The following MYOM1 variants were observed in gnomAD, a reference collection of about 807,000 sequenced individuals.
MYOM1 encodes myomesin 1.
MYOM1 carries 164 observed loss-of-function variants against 205.3 expected under a neutral mutation model. The observed-to-expected ratio is 0.80, with a 90% CI of 0.70 to 0.91. The LOEUF (loss-of-function observed/expected upper bound fraction) is 0.91. MYOM1 is among the 40% of genes least tolerant of loss of function. The pLI is 0.00. For synonymous variants in MYOM1, 772 were observed against 789.4 expected (o/e 0.98, Z 0.37); for missense variants, 2,011 against 2,127.3 (o/e 0.95, Z 1.08).
At chr18:3,240,134 T>C in the MYOM1 span, among the ~76,000 whole-genome samples, 1 of 152,212 alleles carries the variant, frequency 6.6e-6, no homozygotes, top group South Asian at 2.1e-4. Flanking sequence ...TGTCATAAGA[T>C]TAATTTAGTA....
rs1036962692 is a variant in MYOM1 at position 3,080,863 on chromosome 18, G to A, written c.4485-1521C>T. Among the ~76,000 whole-genome samples the A allele has an allele frequency of 3.3e-5, 5 of 152,264 alleles. No individual in the cohort carries two copies. The South Asian group carries it at 8.3e-4, about 25-fold the overall frequency. ...AGAGAGTTAAACAGGGCCGGGCGTG[G>A]TGGCTCACGCCTGTAATCCCAGTAC... On this transcript the variant is annotated intron_variant, in intron 33 of 37. Coordinates refer to ENST00000356443, the MANE Select transcript of MYOM1 (RefSeq NM_003803.4).
At chr18:3,211,937 C>T (rs1004933437) in intron 2 of MYOM1, among the ~76,000 whole-genome samples, 18 of 152,154 alleles carry the variant, frequency 1.2e-4, no homozygotes, top group Non-Finnish European at 2.9e-5. Flanking sequence ...TAATCAACAA[C>T]ACTGTTCACA....
At chr18:3,149,737 A>G (rs2080190134) in intron 12 of MYOM1, among the ~76,000 whole-genome samples, 2 of 152,204 alleles carry the variant, frequency 1.3e-5, no homozygotes, top group Admixed American at 1.3e-4. Flanking sequence ...AGGAAAATGA[A>G]TGATACGGGT....
chr18:3,137,135 A>G (rs2079980952), intron 14 of MYOM1, among the ~76,000 whole-genome samples: 1 of 151,926 alleles, frequency 6.6e-6, no homozygotes, highest in African/African-American at 2.4e-5. Flanking sequence ...TATTTTTAGT[A>G]GAGGGGGGTT....
the MYOM1 span, among the ~76,000 whole-genome samples, chr18:3,231,534 C>CTTTTT: frequency 5.8e-5 from 7 of 120,198 alleles, no homozygotes; most frequent in South Asian, 2.7e-4. Flanking sequence ...AATATGCATC[C>CTTTTT]TTTTTTTTTT....
At position 3,209,407 on chromosome 18, in the gene MYOM1, G is replaced by C. The variant is rs2081165073; in HGVS notation, c.290+5527C>G. On this transcript the variant is annotated intron_variant, in intron 2 of 37. Coordinates refer to ENST00000356443, the MANE Select transcript of MYOM1 (RefSeq NM_003803.4). The surrounding 1 kb of genome is among the most constrained non-coding windows in gnomAD (Gnocchi z 4.0). ...CTACAGCACTAGCCTCCTAACAAGG[G>C]AACTTGCTTCTGCAACAGTCACAGT... 6.6e-6 allele frequency among the ~76,000 whole-genome samples: 1 copy of C among 152,194 alleles called. No homozygotes were observed. Among genetic ancestry groups the C allele is most frequent in the East Asian group, 1.9e-4 (1 of 5,202 alleles).
intron 5 of MYOM1, among the ~76,000 whole-genome samples, chr18:3,186,743 AAGAG>A (rs1204279515): frequency 6.6e-6 from 1 of 151,336 alleles, no homozygotes; most frequent in African/African-American, 2.4e-5. Flanking sequence ...GGAAGAAAGA[AAGAG>A]AGAAAGAAGG....
At chr18:3,131,595 C>CTT (rs34489383) in intron 16 of MYOM1, 99 bp from the exon 17 acceptor site, 46 of 921,810 alleles carry the variant, frequency 5.0e-5, no homozygotes, top group Middle Eastern at 2.4e-4. Flanking sequence ...GAAAACAATT[C>CTT]TTTTTTTTTT....
At position 3,129,369 on chromosome 18, in the gene MYOM1, C is replaced by T; in HGVS notation, c.2657G>A (p.Ser886Asn). 4 of 1,613,950 alleles carry T rather than the reference C, an allele frequency of 2.5e-6. 1 individual carries two copies. The South Asian group carries it at 4.4e-5, about 18-fold the overall frequency. Residue 886 changes from serine to asparagine, a missense_variant, in exon 18 of 38, where the codon AGT becomes AAT. By Grantham distance (46) the Ser-to-Asn change is conservative. Transcript: ENST00000356443. ...GSKPNKPSLP[S>N]SSQNLGQTEV... ...TGTTTGGCCCAGGTTTTGAGAGCTA[C>T]TGGGTAGTGAAGGTTTGTTAGGTTT...
chr18:3,068,817 T>C (rs1298831614), intron 37 of MYOM1, among the ~76,000 whole-genome samples: 2 of 152,254 alleles, frequency 1.3e-5, no homozygotes, highest in South Asian at 2.1e-4. Flanking sequence ...TAAGTTGCTA[T>C]GAACATTTGT....
intron 2 of MYOM1, among the ~76,000 whole-genome samples, chr18:3,212,247 C>T (rs1259112775): frequency 6.6e-6 from 1 of 152,098 alleles, no homozygotes; most frequent in Non-Finnish European, 1.5e-5. Flanking sequence ...TAATAAATAC[C>T]TACCTACAAA....
chr18:3,245,422 GAGA>G, the MYOM1 span, among the ~76,000 whole-genome samples: 3 of 152,256 alleles, frequency 2.0e-5, no homozygotes, highest in African/African-American at 7.2e-5. Flanking sequence ...GTAAAAACGT[GAGA>G]AGGAGATTAT....
At position 3,168,966 on chromosome 18, in the gene MYOM1, T is replaced by C. The variant is rs778367895; in HGVS notation, c.1190A>G (p.Tyr397Cys). 1.2e-6 allele frequency: 2 copies of C among 1,612,586 alleles called. No individual in the cohort carries two copies. Among genetic ancestry groups the C allele is most frequent in the East Asian group, 2.2e-5 (1 of 44,830 alleles). ...GATCTCAAACCGGGATGCATAACCA[T>C]ATGGGGTCACACCAACTGGGTACAA... is the stretch of plus-strand genomic sequence containing the variant. Reference protein sequence around the residue: ...TMPLSFGVTPYGYASRFEIHF... With the variant: ...TMPLSFGVTPCGYASRFEIHF... Residue 397 changes from tyrosine to cysteine, a missense_variant, in exon 9 of 38, where the codon TAT becomes TGT. By Grantham distance (194) the Tyr-to-Cys change is radical (BLOSUM62 -2). Coordinates refer to ENST00000356443, the MANE Select transcript of MYOM1 (RefSeq NM_003803.4).
rs768863215 is a variant in MYOM1 at position 3,090,719 on chromosome 18, G to A, written c.3948C>T (p.Tyr1316=). The stretch of plus-strand genomic sequence containing the variant: ...CTTTTCCATCTTGAAGCTGGAAAGT[G>A]TACGTTCCCTCATCCTCATCCTGTA... The part of the protein sequence containing the change: ...EKLQDEDEGT[Y]TFQLQDGKAT... Residue 1316 remains tyrosine, a synonymous_variant, in exon 27 of 38, where the codon TAC becomes TAT. Coordinates refer to ENST00000356443, the MANE Select transcript of MYOM1 (RefSeq NM_003803.4). The A allele has an allele frequency of 1.2e-6, 2 of 1,613,756 alleles. No individual in the cohort carries two copies. The highest frequency in any genetic ancestry group is 2.7e-5 in the African/African-American group (2 of 74,898).
At chr18:3,183,247 C>A (rs560950579) in intron 5 of MYOM1, among the ~76,000 whole-genome samples, 1 of 152,158 alleles carries the variant, frequency 6.6e-6, no homozygotes, top group East Asian at 1.9e-4. Flanking sequence ...ACTTTTCTAC[C>A]GAGGCCAGTG....
At chr18:3,182,913 C>CTTTTTTTT (rs549386891) in intron 5 of MYOM1, among the ~76,000 whole-genome samples, 118 of 92,284 alleles carry the variant, frequency 1.3e-3, no homozygotes, top group Non-Finnish European at 1.8e-3. Flanking sequence ...TTTCTTTCTT[C>CTTTTTTTT]TTTTTTTTTT....
chr18:3,071,848 T>C lies in MYOM1; in HGVS notation c.4750A>G (p.Ile1584Val), dbSNP rs750662926. The C allele has an allele frequency of 5.0e-6, 8 of 1,603,958 alleles. No homozygotes were observed. In the Admixed American group the frequency reaches 1.4e-4, roughly 27 times the overall value. Reference sequence around the variant, plus strand: ...TTCATGCTTACCTTCCCCTCCTGGATGGTGACCACGTCTGGGAGACCTCCC... The same window carrying C: ...TTCATGCTTACCTTCCCCTCCTGGACGGTGACCACGTCTGGGAGACCTCCC... ...VLGGLPDVVT[I>V]QEGKALNLTC... Residue 1584 changes from isoleucine to valine, a missense_variant, in exon 37 of 38, where the codon ATC becomes GTC. Ile to Val is a conservative substitution (Grantham distance 29). Coordinates refer to ENST00000356443, the MANE Select transcript of MYOM1 (RefSeq NM_003803.4).
intron 12 of MYOM1, among the ~76,000 whole-genome samples, chr18:3,151,323 T>C (rs1394880466): frequency 3.3e-5 from 5 of 151,872 alleles, no homozygotes. Context: ...TTTTATTATT[T>C]TTGGAATGTA....
At chr18:3,222,881 AT>A (rs111681384), upstream of MYOM1, among the ~76,000 whole-genome samples, 9 of 150,108 alleles carry the variant, frequency 6.0e-5, no homozygotes, top group South Asian at 2.1e-4. Flanking sequence ...CTAAATCTCA[AT>A]TTTTTTTTTC....
Sources: allele counts gnomAD v4.1 joint callset (sites outside exome capture counted in the v4.1 genomes callset), GRCh38; gene constraint gnomAD v4.1.1; non-coding constraint Gnocchi (gnomAD v3.1); transcripts MANE v1.5; gene names NCBI Gene and HGNC (gene_info 2026-07-23, HGNC 2026-07-21).